Variants in MGA observed in about 807,000 individuals in gnomAD.
MGA encodes MAX gene-associated protein.
A neutral mutation model predicts 261.1 loss-of-function variants in MGA; 40 were observed. The observed-to-expected ratio is 0.15, with a 90% CI of 0.12 to 0.20. MGA has a LOEUF of 0.20. Among genes scored for constraint, MGA ranks in the 10% least tolerant of loss-of-function variants. The pLI is 1.00. For missense variants in MGA, 3,397 were observed against 3,630.5 expected (o/e 0.94, Z 1.65); for synonymous variants, 1,302 against 1,290.6 (o/e 1.01, Z -0.19).
chr15:41,656,417 C>T (rs1237376068), upstream of MGA, among the ~76,000 whole-genome samples: 1 of 140,902 alleles, frequency 7.1e-6, no homozygotes, highest in Non-Finnish European at 1.5e-5. Context: ...TCTTGACTCA[C>T]TGCAACCTCT....
intron 22 of MGA, among the ~76,000 whole-genome samples, chr15:41,764,399 G>A (rs1248413970): frequency 2.6e-5 from 4 of 151,736 alleles, no homozygotes; most frequent in Non-Finnish European, 5.9e-5. Flanking sequence ...GACTACAGGC[G>A]CCCGCCACCA....
chr15:41,652,508 G>A (rs1340310479), intron 1 of MGA, among the ~76,000 whole-genome samples: 1 of 151,608 alleles, frequency 6.6e-6, no homozygotes, highest in Non-Finnish European at 1.5e-5. Context: ...AGGACTATAG[G>A]CATGCACCAC....
intron 19 of MGA, among the ~76,000 whole-genome samples, chr15:41,759,876 A>G (rs998771842): frequency 1.3e-5 from 2 of 152,136 alleles, no homozygotes; most frequent in African/African-American, 4.8e-5. Flanking sequence ...TTTCTAGCAG[A>G]TAGGAATGGT....
chr15:41,747,321 T>G (rs2062561535), intron 15 of MGA, among the ~76,000 whole-genome samples: 1 of 152,120 alleles, frequency 6.6e-6, no homozygotes, highest in Non-Finnish European at 1.5e-5. Context: ...AAACCAAGGA[T>G]TTTTAGTTCT....
intron 1 of MGA, among the ~76,000 whole-genome samples, chr15:41,625,815 A>C (rs1207309353): frequency 6.6e-6 from 1 of 152,208 alleles, no homozygotes; most frequent in Non-Finnish European, 1.5e-5. Context: ...ATGACTTGGA[A>C]AGCATGTGAT....
chr15:41,644,747 T>C (rs1371170885), intron 1 of MGA, among the ~76,000 whole-genome samples: 4 of 152,210 alleles, frequency 2.6e-5, no homozygotes, highest in African/African-American at 9.7e-5. Flanking sequence ...GTATATACCA[T>C]AGAGGTTGTC....
At chr15:41,739,040 A>G (rs1482355228) in intron 13 of MGA, among the ~76,000 whole-genome samples, 1 of 152,150 alleles carries the variant, frequency 6.6e-6, no homozygotes, top group Non-Finnish European at 1.5e-5. Flanking sequence ...AAAAGGAAAT[A>G]TAGAAAAGGT....
chr15:41,638,617 T>C (rs1213522511), intron 1 of MGA, among the ~76,000 whole-genome samples: 1 of 151,530 alleles, frequency 6.6e-6, no homozygotes, highest in Non-Finnish European at 1.5e-5. Flanking sequence ...TAAGTTATCC[T>C]CCAACCTTGG....
chr15:41,683,394 T>TTTTTTA (rs1183636878), intron 2 of MGA, among the ~76,000 whole-genome samples: 4 of 151,888 alleles, frequency 2.6e-5, no homozygotes, highest in Non-Finnish European at 2.9e-5. Flanking sequence ...ACCTGGCTAA[T>TTTTTTA]TTTTTATTTT....
chr15:41,760,018 C>A, intron 19 of MGA: 1 of 256,926 alleles, frequency 3.9e-6, no homozygotes, highest in Non-Finnish European at 7.6e-6. Flanking sequence ...CAATAAATTA[C>A]TTAAGCTCTT....
At chr15:41,720,315 C>A (rs560197796) in intron 9 of MGA, among the ~76,000 whole-genome samples, 2 of 152,198 alleles carry the variant, frequency 1.3e-5, no homozygotes, top group South Asian at 4.2e-4. Context: ...GCAGGAGGAT[C>A]GCTTGAGCCC....
intron 1 of MGA, among the ~76,000 whole-genome samples, chr15:41,642,770 G>A (rs997167433): frequency 5.3e-5 from 8 of 151,964 alleles, no homozygotes; most frequent in East Asian, 1.9e-4. Context: ...CACTGTACCC[G>A]GCCATTTTTT....
chr15:41,682,720 A>T (rs1447910829), intron 2 of MGA, among the ~76,000 whole-genome samples: 1 of 151,948 alleles, frequency 6.6e-6, no homozygotes, highest in East Asian at 1.9e-4. Flanking sequence ...ACCTCAAGTG[A>T]TCCTCCTGCC....
intron 13 of MGA, among the ~76,000 whole-genome samples, chr15:41,737,470 G>A (rs2061849450): frequency 6.6e-6 from 1 of 151,810 alleles, no homozygotes; most frequent in Admixed American, 6.6e-5. Context: ...TTTTAATTTA[G>A]TAAGGTGTTA....
At chr15:41,694,803 C>T (rs989419321) in intron 2 of MGA, among the ~76,000 whole-genome samples, 3 of 152,266 alleles carry the variant, frequency 2.0e-5, no homozygotes, top group African/African-American at 7.2e-5. Flanking sequence ...TGAGCCACTG[C>T]GCCCGGCTCC....
intron 5 of MGA, among the ~76,000 whole-genome samples, chr15:41,701,559 G>A (rs1477427188): frequency 6.6e-6 from 1 of 152,148 alleles, no homozygotes; most frequent in East Asian, 1.9e-4. Context: ...TGAATTTGGG[G>A]GGTAGAGTTG....
At chr15:41,674,869 T>C (rs1227120842) in intron 2 of MGA, among the ~76,000 whole-genome samples, 1 of 152,218 alleles carries the variant, frequency 6.6e-6, no homozygotes, top group African/African-American at 2.4e-5. Context: ...TTGTCTCTCT[T>C]CTTAGTTCCA....
At chr15:41,663,778 C>T (rs1304454034) in intron 1 of MGA, among the ~76,000 whole-genome samples, 1 of 152,050 alleles carries the variant, frequency 6.6e-6, no homozygotes, top group Non-Finnish European at 1.5e-5. Context: ...GCCTAGCCTA[C>T]CCCTTTCTAA....
chr15:41,698,035 AT>A (rs897497367), intron 3 of MGA, among the ~76,000 whole-genome samples: 1 of 128,144 alleles, frequency 7.8e-6, no homozygotes, highest in Non-Finnish European at 1.7e-5. Flanking sequence ...TGCCCGGCTA[AT>A]TTTTTTTGTA....
Sources: gnomAD v4.1 joint callset for allele counts (sites outside exome capture counted in the v4.1 genomes callset) on GRCh38, gnomAD v4.1.1 for gene constraint, MANE v1.5 for transcripts, NCBI Gene and HGNC (gene_info 2026-07-23, HGNC 2026-07-21) for gene names.